MMP16: variants seen among roughly 807,000 people sequenced by gnomAD.
MMP16 encodes the protein matrix metallopeptidase 16.
MMP16 carries 12 observed loss-of-function variants against 67.8 expected under a neutral mutation model. The ratio of observed to expected loss-of-function variants is 0.18; its 90% CI spans 0.11 to 0.29. MMP16 has a LOEUF of 0.29. MMP16 is among the 10% of genes least tolerant of loss of function. MMP16 has a pLI of 1.00. For missense variants in MMP16, 475 were observed against 765.7 expected (o/e 0.62, Z 4.48); for synonymous variants, 249 against 255.9 (o/e 0.97, Z 0.26).
In MMP16 at chr8:88,032,496, G is replaced by A. The variant is rs1317293671; in HGVS notation, c.*8965C>T. ...AGTCAACCACTTTATTTAACAATGTGCTATGAGGCCTTGATTTACTAATAA... is the reference window on the plus strand; with the variant it reads ...AGTCAACCACTTTATTTAACAATGTACTATGAGGCCTTGATTTACTAATAA... On this transcript the variant is annotated 3_prime_UTR_variant, in exon 10 of 10. Transcript: ENST00000286614. 1 of 152,096 alleles carries A rather than the reference G, an allele frequency of 6.6e-6. No individual in the cohort carries two copies. Among genetic ancestry groups the A allele is most frequent in the African/African-American group, 2.4e-5 (1 of 41,404 alleles). The allele number at this position is 152,096 out of a possible 1,614,324, so 9.4% of individuals were successfully genotyped here. A position where few individuals can be genotyped will look rare whatever the true frequency, so the allele number is the denominator to read the frequency against.
chr8:88,094,145 T>C (rs909007504), intron 6 of MMP16, among the ~76,000 whole-genome samples: 3 of 151,834 alleles, frequency 2.0e-5, no homozygotes, highest in Admixed American at 2.0e-4. Flanking sequence ...TAGTGTATTT[T>C]TAATGTGGGA....
At chr8:88,242,786 T>C (rs376435590) in intron 1 of MMP16, among the ~76,000 whole-genome samples, 8 of 152,334 alleles carry the variant, frequency 5.3e-5, no homozygotes, top group African/African-American at 1.9e-4. Context: ...CACTTTAAAA[T>C]ACTGTGACTG....
chr8:88,200,564 T>A (rs1809327694), intron 1 of MMP16, among the ~76,000 whole-genome samples: 1 of 152,010 alleles, frequency 6.6e-6, no homozygotes, highest in African/African-American at 2.4e-5. Context: ...AGACTGTTGT[T>A]CTCTGCAGAG....
At chr8:88,157,902 A>G (rs565353406) in intron 4 of MMP16, among the ~76,000 whole-genome samples, 7 of 145,126 alleles carry the variant, frequency 4.8e-5, no homozygotes, top group African/African-American at 1.8e-4. Flanking sequence ...ATTCCCACCT[A>G]TAAGTGAGAA....
intron 2 of MMP16, among the ~76,000 whole-genome samples, chr8:88,196,495 T>G (rs190814417): frequency 6.6e-6 from 1 of 152,134 alleles, no homozygotes; most frequent in Admixed American, 6.6e-5. Flanking sequence ...CTTTCACAGA[T>G]AAAGCACCCA....
At chr8:88,323,843 C>G (rs966917605) in intron 1 of MMP16, among the ~76,000 whole-genome samples, 1 of 151,196 alleles carries the variant, frequency 6.6e-6, no homozygotes, top group Non-Finnish European at 1.5e-5. Flanking sequence ...ATTTTAGGAA[C>G]AAAATGATTT....
Position 88,048,566 on chromosome 8 carries a change from C to T in MMP16, c.1374-1782G>A, listed in dbSNP as rs561132280. ...AACCTATGAGATAGTCATCACTGTC[C>T]CCATTTGAGAGAGGAGAATTCTTGG... On this transcript the variant is annotated intron_variant, in intron 8 of 9. Coordinates refer to ENST00000286614, the MANE Select transcript of MMP16 (RefSeq NM_005941.5). 1.3e-4 allele frequency among the ~76,000 whole-genome samples: 20 copies of T among 152,086 alleles called. No homozygotes were observed. The South Asian group carries it at 4.2e-3, about 32-fold the overall frequency.
At chr8:88,092,518 C>T (rs750282515) in intron 6 of MMP16, among the ~76,000 whole-genome samples, 2 of 151,734 alleles carry the variant, frequency 1.3e-5, no homozygotes, top group Non-Finnish European at 2.9e-5. Flanking sequence ...TTTTGACTGT[C>T]CTTTCTTTCT....
chr8:88,167,534 A>G, intron 4 of MMP16, 135 bp downstream of exon 4: 2 of 784,964 alleles, frequency 2.5e-6, no homozygotes, highest in East Asian at 2.7e-5. Flanking sequence ...ATGCTATAAA[A>G]TATGCTTACA....
chr8:88,183,987 C>G (rs1042358391), intron 3 of MMP16, among the ~76,000 whole-genome samples: 2 of 152,004 alleles, frequency 1.3e-5, no homozygotes, highest in African/African-American at 4.8e-5. Flanking sequence ...CTCAAGTGAT[C>G]CGCCCACCTC....
At position 88,056,208 on chromosome 8, in the gene MMP16, T is replaced by C. The variant is rs1808330597; in HGVS notation, c.1293A>G (p.Gly431=). 1 of 1,602,596 alleles carries C rather than the reference T, an allele frequency of 6.2e-7. No individual in the cohort carries two copies. The highest frequency in any genetic ancestry group is 1.3e-5 in the African/African-American group (1 of 74,724). The change falls in exon 8 of 10, where the codon GGA becomes GGG. Residue 431 remains glycine (G), a synonymous_variant. Transcript: ENST00000286614. ...CAATACCATGAGGGGGAATTCCACT[T>C]CCAAGGGTTATCAAGTCATGAGGGT... The part of the protein sequence containing the change: ...PGYPHDLITL[G]SGIPPHGIDS...
chr8:88,314,534 C>T (rs1408397599), intron 1 of MMP16, among the ~76,000 whole-genome samples: 2 of 152,154 alleles, frequency 1.3e-5, no homozygotes, highest in African/African-American at 4.8e-5. Context: ...GTGATTCTTT[C>T]CAGTCTTCCT....
At chr8:88,204,131 C>T (rs1013134377) in intron 1 of MMP16, among the ~76,000 whole-genome samples, 1 of 152,162 alleles carries the variant, frequency 6.6e-6, no homozygotes, top group African/African-American at 2.4e-5. Context: ...AATTTTCCAT[C>T]TGTAAAATAA....
chr8:88,106,714 T>G (rs1379582878), intron 6 of MMP16, among the ~76,000 whole-genome samples: 1 of 151,374 alleles, frequency 6.6e-6, no homozygotes, highest in Admixed American at 6.6e-5. Context: ...TCTATAAGTA[T>G]GTATGAGTTA....
chr8:88,146,565 T>C (rs184519998), intron 4 of MMP16, among the ~76,000 whole-genome samples: 1 of 152,102 alleles, frequency 6.6e-6, no homozygotes, highest in East Asian at 1.9e-4. Flanking sequence ...TCACTCATTG[T>C]TGTTTGTAAA....
intron 1 of MMP16, among the ~76,000 whole-genome samples, chr8:88,317,867 G>A (rs1811398544): frequency 6.6e-6 from 1 of 152,042 alleles, no homozygotes; most frequent in African/African-American, 2.4e-5. Context: ...CAGCCAACAG[G>A]CCTATTCTCA....
chr8:88,128,319 A>T (rs571553529), intron 4 of MMP16, among the ~76,000 whole-genome samples: 1 of 151,996 alleles, frequency 6.6e-6, no homozygotes, highest in South Asian at 2.1e-4. Context: ...CCTACACTAA[A>T]GAAACAATTC....
intron 4 of MMP16, among the ~76,000 whole-genome samples, chr8:88,162,723 GT>G (rs1808649591): frequency 6.6e-6 from 1 of 151,918 alleles, no homozygotes; most frequent in African/African-American, 2.4e-5. Flanking sequence ...TAGTGAGTGA[GT>G]TCTAACGAGA....
At chr8:88,159,243 A>C (rs1808570211) in intron 4 of MMP16, among the ~76,000 whole-genome samples, 1 of 152,286 alleles carries the variant, frequency 6.6e-6, no homozygotes, top group African/African-American at 2.4e-5. Context: ...TTGAATCTAT[A>C]AATTACCTTG....
Sources: allele counts gnomAD v4.1 joint callset (sites outside exome capture counted in the v4.1 genomes callset), GRCh38; gene constraint gnomAD v4.1.1; transcripts MANE v1.5; gene names NCBI Gene and HGNC (gene_info 2026-07-23, HGNC 2026-07-21).